Variants in RGS6 observed in about 807,000 individuals in gnomAD.
The protein encoded by RGS6 is regulator of G protein signaling 6, also known as regulator of G-protein signaling 6.
RGS6 carries 30 observed loss-of-function variants against 78.5 expected under a neutral mutation model. That is an observed-to-expected ratio of 0.38 (90% CI 0.29 to 0.52). The LOEUF (loss-of-function observed/expected upper bound fraction) is 0.52, where lower values mean the gene tolerates loss of function less well. Ranked by LOEUF, RGS6 falls within the 20% of genes least tolerant of loss-of-function variation. RGS6 has a pLI of 0.85. For missense variants in RGS6, 495 were observed against 609.7 expected (o/e 0.81, Z 1.98); for synonymous variants, 206 against 206.0 (o/e 1.00, Z 0.00).
intron 2 of RGS6, among the ~76,000 whole-genome samples, chr14:72,219,718 A>C (rs540935915): frequency 3.3e-5 from 5 of 152,282 alleles, no homozygotes; most frequent in South Asian, 4.1e-4. Context: ...CAAATATATC[A>C]ACCTTCCTCT....
chr14:72,179,874 T>C (rs1217146578), intron 2 of RGS6, among the ~76,000 whole-genome samples: 1 of 152,118 alleles, frequency 6.6e-6, no homozygotes, highest in Non-Finnish European at 1.5e-5. Flanking sequence ...ATCAGTGTTA[T>C]AATGAGCCTA....
intron 2 of RGS6, among the ~76,000 whole-genome samples, chr14:72,292,230 C>T (rs1203328071): frequency 6.6e-6 from 1 of 152,198 alleles, no homozygotes; most frequent in East Asian, 1.9e-4. Flanking sequence ...AGACTTGACA[C>T]CCCTGTATGG....
At chr14:72,455,455 C>T (rs557963907) in intron 4 of RGS6, among the ~76,000 whole-genome samples, 2 of 152,314 alleles carry the variant, frequency 1.3e-5, no homozygotes, top group Admixed American at 6.5e-5. Flanking sequence ...CTGCTGGAAT[C>T]GGTGTGTCAG....
At chr14:72,083,607 T>C (rs911682523) in intron 2 of RGS6, among the ~76,000 whole-genome samples, 23 of 152,350 alleles carry the variant, frequency 1.5e-4, no homozygotes, top group African/African-American at 5.5e-4. Context: ...GCTGGTCTTC[T>C]GAGCTGCTCA....
intron 17 of RGS6, among the ~76,000 whole-genome samples, chr14:72,552,414 C>A (rs536266740): frequency 6.6e-6 from 1 of 152,296 alleles, no homozygotes; most frequent in African/African-American, 2.4e-5. Flanking sequence ...GGCCACCAGG[C>A]AAATGGTGCA....
chr14:72,342,052 G>A (rs1028318468), intron 2 of RGS6, among the ~76,000 whole-genome samples: 13 of 152,128 alleles, frequency 8.5e-5, no homozygotes, highest in African/African-American at 3.1e-4. Context: ...GAATATTTTT[G>A]TAGAAACTTA....
At chr14:72,286,952 T>A (rs1321464303) in intron 2 of RGS6, among the ~76,000 whole-genome samples, 2 of 152,096 alleles carry the variant, frequency 1.3e-5, no homozygotes, top group Non-Finnish European at 2.9e-5. Context: ...CTTGCCTAAT[T>A]TTTGTGTTTT....
At chr14:72,257,579 C>T (rs1372296285) in intron 2 of RGS6, among the ~76,000 whole-genome samples, 1 of 152,126 alleles carries the variant, frequency 6.6e-6, no homozygotes, top group African/African-American at 2.4e-5. Context: ...TCACTAGAAG[C>T]CCAAACCTTA....
intron 17 of RGS6, chr14:72,547,091 G>T (rs1249405479): frequency 7.5e-6 from 10 of 1,325,572 alleles, no homozygotes; most frequent in Non-Finnish European, 1.0e-5. Context: ...GGAGTGCAGG[G>T]CCCCCCGCAG....
intron 2 of RGS6, among the ~76,000 whole-genome samples, chr14:72,330,194 AT>A (rs1264081368): frequency 6.6e-6 from 1 of 152,194 alleles, no homozygotes; most frequent in Non-Finnish European, 1.5e-5. Context: ...GTTCTCCCCC[AT>A]TTGTCAGTCT....
intron 2 of RGS6, among the ~76,000 whole-genome samples, chr14:72,272,909 A>G (rs1045549494): frequency 6.6e-6 from 1 of 152,192 alleles, no homozygotes; most frequent in Non-Finnish European, 1.5e-5. Flanking sequence ...GATGTCAGGA[A>G]TTTGAGACCA....
intron 2 of RGS6, among the ~76,000 whole-genome samples, chr14:72,323,800 CAAAAAAAAAAAAAAAAAAAA>C (rs58303649): frequency 5.8e-3 from 97 of 16,808 alleles, no homozygotes; most frequent in Admixed American, 0.012. Flanking sequence ...GACTCCATCT[CAAAAAAAAAAAAAAAAAAAA>C]AAAAAAAAAA....
At chr14:72,499,032 C>G (rs577220857) in intron 13 of RGS6, among the ~76,000 whole-genome samples, 2 of 152,266 alleles carry the variant, frequency 1.3e-5, no homozygotes, top group South Asian at 4.2e-4. Flanking sequence ...CCCCACCCTT[C>G]CTAGTGTGAC....
chr14:72,195,631 C>T (rs184056141), intron 2 of RGS6, among the ~76,000 whole-genome samples: 92 of 152,304 alleles, frequency 6.0e-4, no homozygotes, highest in Admixed American at 9.1e-4. Context: ...CAAGTCACAG[C>T]GCTCAAAGCA....
At chr14:72,133,834 G>A (rs1045596242) in intron 2 of RGS6, among the ~76,000 whole-genome samples, 1 of 151,996 alleles carries the variant, frequency 6.6e-6, no homozygotes, top group Non-Finnish European at 1.5e-5. Context: ...ACGCATCTAC[G>A]TGATTGGTGG....
At chr14:72,455,657 T>A (rs978818208) in intron 4 of RGS6, among the ~76,000 whole-genome samples, 1 of 152,192 alleles carries the variant, frequency 6.6e-6, no homozygotes, top group East Asian at 1.9e-4. Context: ...AAATTCTTAA[T>A]TCTAGTCAAG....
chr14:72,179,334 A>G (rs1429505212), intron 2 of RGS6, among the ~76,000 whole-genome samples: 1 of 152,178 alleles, frequency 6.6e-6, no homozygotes, highest in East Asian at 1.9e-4. Context: ...GAGGGCTATC[A>G]GGCTAGATTT....
intron 2 of RGS6, among the ~76,000 whole-genome samples, chr14:72,075,853 A>G (rs1397012967): frequency 6.6e-6 from 1 of 152,182 alleles, no homozygotes; most frequent in Non-Finnish European, 1.5e-5. Flanking sequence ...GGCTGCTGCA[A>G]ATATGCTAAA....
intron 2 of RGS6, among the ~76,000 whole-genome samples, chr14:72,167,680 CAT>C (rs2096947996): frequency 6.6e-6 from 1 of 152,168 alleles, no homozygotes; most frequent in Admixed American, 6.5e-5. Context: ...TAGGGCATAA[CAT>C]AGTGCTAAAA....
Sources: gnomAD v4.1 joint callset for allele counts (sites outside exome capture counted in the v4.1 genomes callset) on GRCh38, gnomAD v4.1.1 for gene constraint, MANE v1.5 for transcripts, NCBI Gene and HGNC (gene_info 2026-07-23, HGNC 2026-07-21) for gene names.